Variants in FRMD3 observed in about 807,000 individuals in gnomAD.
The protein encoded by FRMD3 is FERM domain containing 3, also known as FERM domain-containing protein 3.
FRMD3 carries 33 observed loss-of-function variants against 70.2 expected under a neutral mutation model. The observed-to-expected ratio is 0.47, with a 90% confidence interval of 0.36 to 0.63. The LOEUF (loss-of-function observed/expected upper bound fraction) is 0.63, where lower values mean the gene tolerates loss of function less well. FRMD3 is among the 20% of genes least tolerant of loss of function. The pLI, the probability that FRMD3 is intolerant of heterozygous loss-of-function variation, is 0.00. For missense variants in FRMD3, 632 were observed against 711.4 expected, an observed-to-expected ratio of 0.89 and a Z score of 1.27; for synonymous variants, 279 against 255.9, an observed-to-expected ratio of 1.09 and a Z score of -0.86.
At chr9:83,525,865 C>A (rs1413339337) in intron 1 of FRMD3, among the ~76,000 whole-genome samples, 2 of 152,152 alleles carry the variant, frequency 1.3e-5, no homozygotes, top group Non-Finnish European at 2.9e-5. Context: ...GCTCACAATT[C>A]AGTGATCTAC....
At chr9:83,318,203 G>A (rs1240153650) in intron 6 of FRMD3, among the ~76,000 whole-genome samples, 1 of 152,090 alleles carries the variant, frequency 6.6e-6, no homozygotes, top group Non-Finnish European at 1.5e-5. Flanking sequence ...GGCTTTTAGT[G>A]CAACTATCAC....
chr9:83,287,470 T>G (rs182600425), intron 13 of FRMD3, among the ~76,000 whole-genome samples: 323 of 152,304 alleles, frequency 2.1e-3, no homozygotes, highest in Non-Finnish European at 3.2e-3. Context: ...CCCATGCCAT[T>G]GATATCATTC....
At chr9:83,555,338 T>A in the FRMD3 span, among the ~76,000 whole-genome samples, 1 of 151,704 alleles carries the variant, frequency 6.6e-6, no homozygotes. Context: ...GAGGCCCCAG[T>A]TGGGAGGTCC....
chr9:83,393,263 A>T (rs1322899636), intron 1 of FRMD3, among the ~76,000 whole-genome samples: 1 of 152,212 alleles, frequency 6.6e-6, no homozygotes, highest in Non-Finnish European at 1.5e-5. Flanking sequence ...CTGTACTAAA[A>T]TAATGTGAAG....
intron 1 of FRMD3, among the ~76,000 whole-genome samples, chr9:83,402,898 CTTTTTTTT>C (rs559570925): frequency 2.3e-5 from 2 of 87,296 alleles, no homozygotes; most frequent in Non-Finnish European, 4.2e-5. Context: ...TTCTTTCTTT[CTTTTTTTT>C]TTTTTTTTTT....
At chr9:83,502,990 A>T (rs1829104058) in intron 1 of FRMD3, among the ~76,000 whole-genome samples, 1 of 152,096 alleles carries the variant, frequency 6.6e-6, no homozygotes, top group South Asian at 2.1e-4. Context: ...GGCCCTCATG[A>T]CTGATTTACT....
intron 1 of FRMD3, among the ~76,000 whole-genome samples, chr9:83,395,277 A>T (rs76757771): frequency 0.039 from 228 of 5,882 alleles, no homozygotes; most frequent in African/African-American, 0.14. Context: ...TATAGATTTA[A>T]AAAAAAAAAA....
chr9:83,575,910 G>A, the FRMD3 span, among the ~76,000 whole-genome samples: 3 of 152,068 alleles, frequency 2.0e-5, no homozygotes, highest in Non-Finnish European at 4.4e-5. Flanking sequence ...TATTGGGCCA[G>A]CATTACCCTG....
intron 1 of FRMD3, among the ~76,000 whole-genome samples, chr9:83,510,820 A>G (rs1463295673): frequency 6.6e-6 from 1 of 152,164 alleles, no homozygotes; most frequent in Non-Finnish European, 1.5e-5. Context: ...AAACAAATCT[A>G]CAGTAACATA....
At chr9:83,574,665 G>C in the FRMD3 span, among the ~76,000 whole-genome samples, 1 of 152,230 alleles carries the variant, frequency 6.6e-6, no homozygotes, top group African/African-American at 2.4e-5. Flanking sequence ...TAGAATGTGG[G>C]GTAGGTTAGC....
chr9:83,544,345 C>T, the FRMD3 span, among the ~76,000 whole-genome samples: 1 of 152,106 alleles, frequency 6.6e-6, no homozygotes, highest in African/African-American at 2.4e-5. Context: ...CCCTAAGCAC[C>T]CCATCAGGGC....
intron 1 of FRMD3, among the ~76,000 whole-genome samples, chr9:83,401,378 G>C (rs538250875): frequency 2.6e-5 from 4 of 152,286 alleles, no homozygotes; most frequent in African/African-American, 9.6e-5. Context: ...AGGTACTATA[G>C]AGATAATCTT....
intron 5 of FRMD3, among the ~76,000 whole-genome samples, chr9:83,341,219 C>T (rs1292207818): frequency 1.3e-5 from 2 of 152,190 alleles, no homozygotes; most frequent in Admixed American, 1.3e-4. Context: ...ACAGACAGCA[C>T]TGCATTTGAG....
At chr9:83,507,353 C>CG in intron 1 of FRMD3, among the ~76,000 whole-genome samples, 1 of 94,804 alleles carries the variant, frequency 1.1e-5, no homozygotes, top group Non-Finnish European at 1.9e-5. Context: ...GGCAACAGAG[C>CG]AAGACTCCGT....
chr9:83,568,951 G>GATACATACATACATAC, the FRMD3 span, among the ~76,000 whole-genome samples: 64 of 114,524 alleles, frequency 5.6e-4, no homozygotes, highest in Middle Eastern at 4.3e-3. Flanking sequence ...TAGATAGATA[G>GATACATACATACATAC]ATAGATACAT....
At chr9:83,362,120 G>GA (rs1824604734) in intron 3 of FRMD3, among the ~76,000 whole-genome samples, 1 of 151,938 alleles carries the variant, frequency 6.6e-6, no homozygotes, top group Admixed American at 6.6e-5. Context: ...ATCCAAGCTG[G>GA]CCTCATGAGT....
intron 13 of FRMD3, chr9:83,281,701 C>CATG (rs1391574708): frequency 6.6e-6 from 1 of 152,252 alleles, no homozygotes; most frequent in Non-Finnish European, 1.5e-5. Context: ...AAAACCAGAA[C>CATG]ATGATTCCCA....
At chr9:83,375,665 G>T (rs1825119780) in intron 2 of FRMD3, among the ~76,000 whole-genome samples, 1 of 152,178 alleles carries the variant, frequency 6.6e-6, no homozygotes, top group African/African-American at 2.4e-5. Context: ...GGGAGCTAAT[G>T]ATGAGAATAC....
intron 1 of FRMD3, among the ~76,000 whole-genome samples, chr9:83,470,113 T>A (rs200644061): frequency 0.054 from 8,199 of 152,190 alleles, 351 homozygotes; most frequent in East Asian, 0.15. Context: ...TTAAAAGAAT[T>A]TTTTTTAAAT....
Sources: gnomAD v4.1 joint callset for allele counts (sites outside exome capture counted in the v4.1 genomes callset) on GRCh38, gnomAD v4.1.1 for gene constraint, MANE v1.5 for transcripts, NCBI Gene and HGNC (gene_info 2026-07-23, HGNC 2026-07-21) for gene names.